SPAG9: variants seen among roughly 807,000 people sequenced by gnomAD.
The protein encoded by SPAG9 is sperm associated antigen 9.
SPAG9 carries 35 observed loss-of-function variants against 166.5 expected under a neutral mutation model. That is an observed-to-expected ratio of 0.21 (90% CI 0.16 to 0.28). The LOEUF is 0.28. SPAG9 is among the 10% of genes least tolerant of loss of function. The pLI is 1.00. For missense variants in SPAG9, 1,235 were observed against 1,603.3 expected, an observed-to-expected ratio of 0.77 and a Z score of 3.92; for synonymous variants, 534 against 565.5, an observed-to-expected ratio of 0.94 and a Z score of 0.79.
At chr17:51,089,661 T>TATATATATATATATATATATAC (rs1426675943) in intron 1 of SPAG9, among the ~76,000 whole-genome samples, 7 of 97,886 alleles carry the variant, frequency 7.2e-5, no homozygotes, top group African/African-American at 2.0e-4. Flanking sequence ...TATATATATA[T>TATATATATATATATATATATAC]ATACACATAC....
At chr17:51,083,796 T>C (rs1425830970) in intron 1 of SPAG9, among the ~76,000 whole-genome samples, 2 of 151,938 alleles carry the variant, frequency 1.3e-5, no homozygotes, top group Non-Finnish European at 2.9e-5. Context: ...CAAAGACCAA[T>C]TTGGAAATTT....
At chr17:50,983,314 A>T (rs1443797143) in intron 24 of SPAG9, among the ~76,000 whole-genome samples, 1 of 152,268 alleles carries the variant, frequency 6.6e-6, no homozygotes, top group African/African-American at 2.4e-5. Context: ...AAACAAAAGA[A>T]TAAATCCAGT....
At chr17:51,075,955 G>A (rs1383545024) in intron 2 of SPAG9, among the ~76,000 whole-genome samples, 2 of 151,556 alleles carry the variant, frequency 1.3e-5, no homozygotes, top group African/African-American at 4.8e-5. Flanking sequence ...ATTAGCTGGG[G>A]GTGATGGCAG....
chr17:50,979,200 C>T (rs1230670965), intron 26 of SPAG9, among the ~76,000 whole-genome samples: 1 of 149,902 alleles, frequency 6.7e-6, no homozygotes, highest in Non-Finnish European at 1.5e-5. Flanking sequence ...ACAGTGAAAC[C>T]TCATTTCTAC....
intron 6 of SPAG9, among the ~76,000 whole-genome samples, chr17:51,023,628 TATTTA>T (rs1223008972): frequency 6.6e-6 from 1 of 152,162 alleles, no homozygotes; most frequent in Admixed American, 6.5e-5. Context: ...AATTGGGAAA[TATTTA>T]AGTAAATCGT....
rs1031296650 is a variant in SPAG9 at position 51,018,743 on chromosome 17, G to A, written c.1091+1416C>T. Among the ~76,000 whole-genome samples the A allele has an allele frequency of 4.6e-5, 7 of 152,168 alleles. No individual in the cohort carries two copies. The South Asian group carries it at 8.3e-4, about 18-fold the overall frequency. On this transcript the variant is annotated intron_variant, in intron 8 of 29. Coordinates refer to ENST00000262013, the MANE Select transcript of SPAG9 (RefSeq NM_001130528.3). ...AGGAGGGGGCTGGACTGAAGTGTCC[G>A]GCAGGCTGGAGTACCCGGCTGCTGG...
At chr17:51,065,088 A>T (rs1033965176) in intron 2 of SPAG9, among the ~76,000 whole-genome samples, 2 of 152,214 alleles carry the variant, frequency 1.3e-5, no homozygotes, top group Non-Finnish European at 2.9e-5. Flanking sequence ...GCACCATTGC[A>T]CTCCAGCCTG....
chr17:51,093,771 G>A (rs2048537710), intron 1 of SPAG9, among the ~76,000 whole-genome samples: 2 of 151,544 alleles, frequency 1.3e-5, no homozygotes, highest in African/African-American at 2.4e-5. Context: ...CTGGTGTGGT[G>A]TGTGAGGGTG....
intron 8 of SPAG9, among the ~76,000 whole-genome samples, chr17:51,016,538 C>A (rs1332845064): frequency 6.6e-6 from 1 of 152,196 alleles, no homozygotes; most frequent in Non-Finnish European, 1.5e-5. Flanking sequence ...GATTTAGTAA[C>A]AGGTCCACAG....
intron 16 of SPAG9, 89 bp downstream of exon 16, chr17:50,996,476 G>T: frequency 6.8e-7 from 1 of 1,465,904 alleles, no homozygotes; most frequent in South Asian, 1.2e-5. Flanking sequence ...AGCAGGGCTG[G>T]GATGCGTACA....
Position 51,095,914 on chromosome 17 carries a change from T to TATATAGTG in SPAG9, c.304-16211_304-16210insCACTATAT, listed in dbSNP as rs1365936048. The stretch of plus-strand genomic sequence containing the variant: ...ATATATACAGTGATATATATAGTGA[T>TATATAGTG]ATATATATAGTGATATATATAGTGA... On this transcript the variant is annotated intron_variant, in intron 1 of 29. Coordinates refer to ENST00000262013, the MANE Select transcript of SPAG9 (RefSeq NM_001130528.3). Among the ~76,000 whole-genome samples the TATATAGTG allele has an allele frequency of 6.4e-4, 90 of 139,786 alleles. 4 individuals are homozygous for TATATAGTG. Among genetic ancestry groups the TATATAGTG allele is most frequent in the African/African-American group, 2.2e-3 (78 of 35,924 alleles). 91.7% of individuals were successfully genotyped at this position (139,786 alleles called of 152,430 possible). A position where few individuals can be genotyped will look rare whatever the true frequency, so the allele number is the denominator to read the frequency against.
At chr17:51,005,187 A>T in intron 12 of SPAG9, 25 bp downstream of exon 12, 4 of 1,610,832 alleles carry the variant, frequency 2.5e-6, no homozygotes, top group Non-Finnish European at 3.4e-6. Context: ...AAGGTAAGAA[A>T]AAAAGTCCAA....
intron 28 of SPAG9, among the ~76,000 whole-genome samples, chr17:50,973,941 T>C (rs1974017870): frequency 6.6e-6 from 1 of 152,212 alleles, no homozygotes; most frequent in Non-Finnish European, 1.5e-5. Context: ...TCTCTCTTCA[T>C]ACGCACATAC....
intron 5 of SPAG9, among the ~76,000 whole-genome samples, chr17:51,037,539 G>C (rs2144353313): frequency 6.6e-6 from 1 of 150,854 alleles, no homozygotes; most frequent in Non-Finnish European, 1.5e-5. Context: ...CTTGAACCTG[G>C]GAGGTGGAGG....
At chr17:51,064,529 G>C (rs1392256640) in intron 2 of SPAG9, among the ~76,000 whole-genome samples, 1 of 152,148 alleles carries the variant, frequency 6.6e-6, no homozygotes, top group Non-Finnish European at 1.5e-5. Flanking sequence ...GAAAAGGAAG[G>C]AAGTACTGAC....
intron 4 of SPAG9, chr17:51,046,407 AT>A (rs2047022409): frequency 1.2e-6 from 1 of 844,930 alleles, no homozygotes; most frequent in African/African-American, 1.7e-5. Flanking sequence ...CATTGTTTCA[AT>A]CTGCAACAGA....
intron 1 of SPAG9, among the ~76,000 whole-genome samples, chr17:51,093,504 C>T (rs951808192): frequency 2.6e-5 from 4 of 151,754 alleles, no homozygotes; most frequent in African/African-American, 9.7e-5. Flanking sequence ...AGATCGAGAC[C>T]GTCCTGGCTA....
intron 9 of SPAG9, chr17:51,009,017 G>A (rs574480770): frequency 1.1e-4 from 41 of 363,796 alleles, no homozygotes; most frequent in African/African-American, 8.8e-4. Flanking sequence ...ATATATGAAA[G>A]GCAAAAAAAT....
At chr17:51,007,154 G>T in intron 10 of SPAG9, 115 bp downstream of exon 10, 1 of 559,180 alleles carries the variant, frequency 1.8e-6, no homozygotes, top group Non-Finnish European at 3.2e-6. Flanking sequence ...CTCAGAGTTG[G>T]GGAACGAGAT....
Sources: allele counts gnomAD v4.1 joint callset (sites outside exome capture counted in the v4.1 genomes callset), GRCh38; gene constraint gnomAD v4.1.1; transcripts MANE v1.5; gene names NCBI Gene and HGNC (gene_info 2026-07-23, HGNC 2026-07-21).